The following RABGAP1 variants were observed in gnomAD, a reference collection of about 807,000 sequenced individuals.
RABGAP1 encodes the protein RAB GTPase activating protein 1.
A neutral mutation model predicts 137.6 loss-of-function variants in RABGAP1; 23 were observed. The observed-to-expected ratio is 0.17, with a 90% CI of 0.12 to 0.24. The LOEUF is 0.24. Among genes scored for constraint, RABGAP1 ranks in the 10% least tolerant of loss-of-function variants. The pLI is 1.00. For missense variants in RABGAP1, 906 were observed against 1,275.8 expected, an observed-to-expected ratio of 0.71 and a Z score of 4.42; for synonymous variants, 451 against 450.7, an observed-to-expected ratio of 1.00 and a Z score of -0.01.
intron 3 of RABGAP1, among the ~76,000 whole-genome samples, chr9:122,985,697 AAATT>A (rs1324076283): frequency 6.6e-6 from 1 of 152,002 alleles, no homozygotes; most frequent in Admixed American, 6.5e-5. Flanking sequence ...ACCTAAATGT[AAATT>A]ACAAAGTCAA....
chr9:122,948,824 G>C (rs111748146), intron 1 of RABGAP1, among the ~76,000 whole-genome samples: 3 of 152,110 alleles, frequency 2.0e-5, no homozygotes, highest in African/African-American at 7.2e-5. Flanking sequence ...ATGTAGAGTA[G>C]CATGTTTGTC....
intron 13 of RABGAP1, among the ~76,000 whole-genome samples, chr9:123,059,566 A>C (rs529190746): frequency 6.6e-6 from 1 of 152,240 alleles, no homozygotes; most frequent in Admixed American, 6.5e-5. Flanking sequence ...AAATAAATAA[A>C]AATTAAAAAA....
intron 19 of RABGAP1, among the ~76,000 whole-genome samples, chr9:123,087,732 G>A (rs1035911737): frequency 1.3e-5 from 2 of 152,126 alleles, no homozygotes; most frequent in African/African-American, 4.8e-5. Context: ...CCAGACTCCA[G>A]GAATAGAGCT....
chr9:123,039,090 C>T (rs1178346387), intron 13 of RABGAP1, among the ~76,000 whole-genome samples: 1 of 152,086 alleles, frequency 6.6e-6, no homozygotes, highest in Admixed American at 6.6e-5. Context: ...AAAATCATTA[C>T]TGTTATTTGT....
At chr9:123,075,599 A>G (rs2034485554) in intron 17 of RABGAP1, among the ~76,000 whole-genome samples, 1 of 152,184 alleles carries the variant, frequency 6.6e-6, no homozygotes, top group African/African-American at 2.4e-5. Flanking sequence ...AAACCTTTAA[A>G]TTGTTTCTAG....
At chr9:123,027,325 A>G (rs1018135354) in intron 13 of RABGAP1, among the ~76,000 whole-genome samples, 3 of 152,124 alleles carry the variant, frequency 2.0e-5, no homozygotes, top group Non-Finnish European at 4.4e-5. Flanking sequence ...CATGTTGGCC[A>G]GGATGGCCTC....
At chr9:122,982,545 A>G (rs776668809) in intron 2 of RABGAP1, among the ~76,000 whole-genome samples, 4 of 152,152 alleles carry the variant, frequency 2.6e-5, no homozygotes, top group Non-Finnish European at 4.4e-5. Flanking sequence ...CAGGGAATCT[A>G]ATATCTTCTC....
At position 122,951,279 on chromosome 9, in the gene RABGAP1, A is replaced by G. The variant is rs148081374; in HGVS notation, c.-49-5732A>G. On this transcript the variant is annotated intron_variant, in intron 1 of 25. Coordinates refer to ENST00000373647, the MANE Select transcript of RABGAP1 (RefSeq NM_012197.4). ...TATCACCCACACCTCTTATTAAGCTAGGTAGGTCACTTACTGGGAGGTGGT... is the reference window on the plus strand; with the variant it reads ...TATCACCCACACCTCTTATTAAGCTGGGTAGGTCACTTACTGGGAGGTGGT... Among the ~76,000 whole-genome samples, 36 of 152,296 alleles carry G rather than the reference A, an allele frequency of 2.4e-4. No individual in the cohort carries two copies. In the East Asian group the frequency reaches 6.4e-3, roughly 27 times the overall value.
At chr9:123,043,993 C>T (rs974855429) in intron 13 of RABGAP1, among the ~76,000 whole-genome samples, 15 of 151,498 alleles carry the variant, frequency 9.9e-5, no homozygotes, top group Admixed American at 2.0e-4. Flanking sequence ...CTCCGCCTCC[C>T]GGGTTCAGGC....
intron 14 of RABGAP1, among the ~76,000 whole-genome samples, chr9:123,069,418 A>G (rs1424026349): frequency 6.6e-6 from 1 of 152,144 alleles, no homozygotes; most frequent in Admixed American, 6.6e-5. Flanking sequence ...AAAGCCTACC[A>G]TCTGGCAGAG....
chr9:122,955,202 C>T (rs1320687165), intron 1 of RABGAP1, among the ~76,000 whole-genome samples: 1 of 152,192 alleles, frequency 6.6e-6, no homozygotes, highest in African/African-American at 2.4e-5. Context: ...TAGCAAAGGT[C>T]TAAGTTAGTC....
intron 10 of RABGAP1, among the ~76,000 whole-genome samples, chr9:123,003,719 C>T (rs985009679): frequency 6.6e-6 from 1 of 152,120 alleles, no homozygotes; most frequent in African/African-American, 2.4e-5. Context: ...AGAGAAGAAA[C>T]TAAACATTAG....
rs1300083858 is a variant in RABGAP1, at chr9:123,048,859, A to T, written c.1795-16489A>T. On this transcript the variant is annotated intron_variant, in intron 13 of 25. Coordinates refer to ENST00000373647, the MANE Select transcript of RABGAP1 (RefSeq NM_012197.4). ...GAATCAACAATAGCAAACCAGGAAA[A>T]GGTTGACAGTGCAGTTAGCATTTAT... 2.6e-5 allele frequency among the ~76,000 whole-genome samples: 4 copies of T among 152,338 alleles called. No individual in the cohort carries two copies. The East Asian group carries it at 5.8e-4, about 22-fold the overall frequency.
intron 13 of RABGAP1, among the ~76,000 whole-genome samples, chr9:123,060,422 C>T (rs2033923290): frequency 6.6e-6 from 1 of 152,054 alleles, no homozygotes; most frequent in South Asian, 2.1e-4. Flanking sequence ...GGTAGTATTC[C>T]ATTAGATGGA....
intron 1 of RABGAP1, among the ~76,000 whole-genome samples, chr9:122,953,176 G>T (rs1834341494): frequency 6.6e-6 from 1 of 152,134 alleles, no homozygotes; most frequent in African/African-American, 2.4e-5. Context: ...TTTTAATTTG[G>T]ATTACTTAAA....
intron 21 of RABGAP1, among the ~76,000 whole-genome samples, chr9:123,091,634 A>T (rs1402848463): frequency 6.6e-6 from 1 of 151,260 alleles, no homozygotes; most frequent in Non-Finnish European, 1.5e-5. Context: ...AAGCATCATT[A>T]AAAAAAAATC....
chr9:123,076,592 T>C (rs371054905), intron 18 of RABGAP1, 42 bp from the exon 19 acceptor site: 8 of 1,562,816 alleles, frequency 5.1e-6, no homozygotes, highest in Non-Finnish European at 6.0e-6. Context: ...TGCATCCTTA[T>C]AGCAACACAT....
At chr9:122,958,243 C>T (rs1834644634) in intron 2 of RABGAP1, among the ~76,000 whole-genome samples, 2 of 152,198 alleles carry the variant, frequency 1.3e-5, no homozygotes, top group African/African-American at 4.8e-5. Flanking sequence ...CCATGTCTGC[C>T]TCCCCCAGGC....
intron 13 of RABGAP1, among the ~76,000 whole-genome samples, chr9:123,026,395 G>A (rs978357215): frequency 3.9e-5 from 6 of 152,066 alleles, no homozygotes; most frequent in South Asian, 2.1e-4. Context: ...GAATGTTACT[G>A]AATTTTATCA....
Sources: allele counts gnomAD v4.1 joint callset (sites outside exome capture counted in the v4.1 genomes callset), GRCh38; gene constraint gnomAD v4.1.1; transcripts MANE v1.5; gene names NCBI Gene and HGNC (gene_info 2026-07-23, HGNC 2026-07-21).